HHIP: variants seen among roughly 807,000 people sequenced by gnomAD.
HHIP encodes the protein hedgehog interacting protein.
A neutral mutation model predicts 74.0 loss-of-function variants in HHIP; 12 were observed. The ratio of observed to expected loss-of-function variants is 0.16; its 90% CI spans 0.10 to 0.26. HHIP has a LOEUF of 0.26. Among genes scored for constraint, HHIP ranks in the 10% least tolerant of loss-of-function variants. The pLI is 1.00. For synonymous variants in HHIP, 309 were observed against 311.6 expected, an observed-to-expected ratio of 0.99 and a Z score of 0.09; for missense variants, 788 against 845.0, an observed-to-expected ratio of 0.93 and a Z score of 0.84.
rs556653439 is a variant in HHIP at position 144,653,698 on chromosome 4, AT to A, written c.472+908del. 1.1e-4 allele frequency among the ~76,000 whole-genome samples: 17 copies of A among 152,214 alleles called. No individual in the cohort carries two copies. The South Asian group carries it at 3.5e-3, about 32-fold the overall frequency. The stretch of plus-strand genomic sequence containing the variant: ...AAGAACCGTAGAATGCACCAAGAGA[AT>A]TTTTTTAAGTGCTATGTACATTTTA... On this transcript the variant is annotated intron_variant, in intron 2 of 12. Coordinates refer to ENST00000296575, the MANE Select transcript of HHIP (RefSeq NM_022475.3).
At chr4:144,672,030 T>C (rs1359473120) in intron 4 of HHIP, among the ~76,000 whole-genome samples, 1 of 152,008 alleles carries the variant, frequency 6.6e-6, no homozygotes, top group African/African-American at 2.4e-5. Context: ...CCTTAGGTCC[T>C]TTCTTGTTCT....
chr4:144,708,158 A>T lies in HHIP; in HGVS notation c.1158-10A>T. On this transcript the variant is annotated splice_polypyrimidine_tract_variant and intron_variant, in intron 6 of 12. Transcript: ENST00000296575. ...ATGTAAAACACATACTCTGTCCCCCAATTTCTCAGTGATTTCACAGGCTCA... is the reference window on the plus strand; with the variant it reads ...ATGTAAAACACATACTCTGTCCCCCTATTTCTCAGTGATTTCACAGGCTCA... 1 of 1,613,838 alleles carries T rather than the reference A, an allele frequency of 6.2e-7. No individual in the cohort carries two copies.
intron 7 of HHIP, among the ~76,000 whole-genome samples, chr4:144,708,818 C>G (rs1307914954): frequency 6.6e-6 from 1 of 152,200 alleles, no homozygotes; most frequent in Non-Finnish European, 1.5e-5. Flanking sequence ...GTTATCATAG[C>G]TTCACTTAAA....
At chr4:144,732,242 A>C (rs113065383) in intron 11 of HHIP, among the ~76,000 whole-genome samples, 2,456 of 152,316 alleles carry the variant, frequency 0.016, 77 homozygotes, top group African/African-American at 0.055. Context: ...ACAGAATGTT[A>C]TTTATCAACT....
chr4:144,679,724 A>G (rs558815567), intron 4 of HHIP, among the ~76,000 whole-genome samples: 64 of 152,222 alleles, frequency 4.2e-4, no homozygotes, highest in Admixed American at 9.8e-4. Flanking sequence ...TCTGTTCTGT[A>G]TGACATATTT....
At chr4:144,694,118 A>G (rs889656998) in intron 4 of HHIP, among the ~76,000 whole-genome samples, 5 of 151,976 alleles carry the variant, frequency 3.3e-5, no homozygotes, top group African/African-American at 1.2e-4. Flanking sequence ...GATTCAAAGA[A>G]TTTGATTCTG....
In HHIP at chr4:144,740,057, G is replaced by T. The variant is rs1165329418; in HGVS notation, c.*2100G>T. ...TCTAATTGTCCCTTATTCAACGTGG[G>T]TGACATTAACAAAATGTGAACTTCT... On this transcript the variant is annotated 3_prime_UTR_variant, in exon 13 of 13. Coordinates refer to ENST00000296575, the MANE Select transcript of HHIP (RefSeq NM_022475.3). 1 of 152,198 alleles carries T rather than the reference G, an allele frequency of 6.6e-6. No individual in the cohort carries two copies. The highest frequency in any genetic ancestry group is 3.4e-3 in the Middle Eastern group (1 of 294). The allele number at this position is 152,198 out of a possible 1,614,324, so 9.4% of individuals were successfully genotyped here. A position where few individuals can be genotyped will look rare whatever the true frequency, so the allele number is the denominator to read the frequency against.
At chr4:144,648,346 C>T (rs1353350068) in intron 1 of HHIP, 20 of 152,150 alleles carry the variant, frequency 1.3e-4, no homozygotes, top group Non-Finnish European at 7.3e-5. Flanking sequence ...CCAGCTCTGT[C>T]CAAATGTTCA....
At chr4:144,657,689 T>G (rs957199778) in intron 2 of HHIP, among the ~76,000 whole-genome samples, 3 of 152,192 alleles carry the variant, frequency 2.0e-5, no homozygotes, top group African/African-American at 7.2e-5. Context: ...GATAAAATAT[T>G]TAATGTGTAA....
At chr4:144,650,772 A>G (rs1306901142) in intron 1 of HHIP, 4 of 152,166 alleles carry the variant, frequency 2.6e-5, no homozygotes, top group Admixed American at 2.6e-4. Context: ...AATTTATTGA[A>G]TCCTACTTCT....
intron 4 of HHIP, among the ~76,000 whole-genome samples, chr4:144,692,172 GA>G (rs1470530196): frequency 6.6e-6 from 1 of 151,962 alleles, no homozygotes; most frequent in Non-Finnish European, 1.5e-5. Flanking sequence ...TTGTGAAGTA[GA>G]AGTTATCATG....
intron 4 of HHIP, among the ~76,000 whole-genome samples, chr4:144,665,738 A>G (rs771896307): frequency 3.9e-5 from 6 of 152,222 alleles, no homozygotes; most frequent in Non-Finnish European, 7.3e-5. Context: ...AGTTTAAGGC[A>G]GTTTAATCTG....
Position 144,712,055 on chromosome 4 carries a change from A to C in HHIP, c.1407A>C (p.Ile469=). ...CATCAGCCAGAATTCTACAGATAATAAAGGGGAAAGATTATGGTATGTAGA... is the reference window on the plus strand; with the variant it reads ...CATCAGCCAGAATTCTACAGATAATCAAGGGGAAAGATTATGGTATGTAGA... ...NRSSARILQI[I]KGKDYESEPS... is the part of the protein sequence containing the mutation. Residue 469 remains isoleucine, a synonymous_variant, in exon 8 of 13, where the codon ATA becomes ATC. Transcript: ENST00000296575. 1.9e-6 allele frequency: 3 copies of C among 1,612,918 alleles called. No individual in the cohort carries two copies. The highest frequency in any genetic ancestry group is 2.5e-6 in the Non-Finnish European group (3 of 1,179,110).
intron 8 of HHIP, among the ~76,000 whole-genome samples, chr4:144,713,762 CTA>C (rs1375261139): frequency 6.6e-6 from 1 of 152,064 alleles, no homozygotes; most frequent in Non-Finnish European, 1.5e-5. Context: ...CTTTTATGTA[CTA>C]TGTTTTTATT....
At chr4:144,680,354 T>C (rs1729300629) in intron 4 of HHIP, among the ~76,000 whole-genome samples, 1 of 152,210 alleles carries the variant, frequency 6.6e-6, no homozygotes, top group African/African-American at 2.4e-5. Flanking sequence ...CCTTGACCCC[T>C]TGTCATGCTG....
At chr4:144,696,634 A>G (rs1223771109) in intron 4 of HHIP, among the ~76,000 whole-genome samples, 1 of 151,890 alleles carries the variant, frequency 6.6e-6, no homozygotes, top group Non-Finnish European at 1.5e-5. Context: ...GTGTCTTCCA[A>G]TCACAATCTC....
chr4:144,743,820 G>A lies in HHIP; in HGVS notation c.*5863G>A, dbSNP rs375397346. 2 of 152,104 alleles carry A rather than the reference G, an allele frequency of 1.3e-5. No individual in the cohort carries two copies. Among genetic ancestry groups the A allele is most frequent in the Admixed American group, 6.5e-5 (1 of 15,270 alleles). 9.4% of individuals were successfully genotyped at this position (152,104 alleles called of 1,614,324 possible). On this transcript the variant is annotated 3_prime_UTR_variant, in exon 13 of 13. Transcript: ENST00000296575. Reference sequence around the variant, plus strand: ...TCTTTGCAGTTACAAACTAATTCTTGTACATTTTCCTTTTCACTAAAAAAA... The same window carrying A: ...TCTTTGCAGTTACAAACTAATTCTTATACATTTTCCTTTTCACTAAAAAAA...
chr4:144,716,882 A>AAAAAAAAAT, intron 10 of HHIP, among the ~76,000 whole-genome samples: 1 of 148,396 alleles, frequency 6.7e-6, no homozygotes, highest in African/African-American at 2.5e-5. Context: ...AAAAAAAAAA[A>AAAAAAAAAT]AAAAAAGTAA....
rs869028218 is a variant in HHIP at position 144,716,854 on chromosome 4, G to GAAAAAAAAAAAAAAAA, written c.1678+1443_1678+1458dup. On this transcript the variant is annotated intron_variant, in intron 10 of 12. Coordinates refer to ENST00000296575, the MANE Select transcript of HHIP (RefSeq NM_022475.3). ...ACATGAGCAAAACTCCGTCTCAAAA[G>GAAAAAAAAAAAAAAAA]AAAAAAAAAAAAAAAAAAAAAAAAA... is the stretch of plus-strand genomic sequence containing the variant. Among the ~76,000 whole-genome samples the GAAAAAAAAAAAAAAAA allele has an allele frequency of 9.1e-5, 5 of 54,654 alleles. 1 individual carries two copies. The highest frequency in any genetic ancestry group is 9.5e-4 in the South Asian group (1 of 1,048). The allele number at this position is 54,654 out of a possible 152,430, so 35.9% of individuals were successfully genotyped here. A position where few individuals can be genotyped will look rare whatever the true frequency, so the allele number is the denominator to read the frequency against.
Sources: gnomAD v4.1 joint callset for allele counts (sites outside exome capture counted in the v4.1 genomes callset) on GRCh38, gnomAD v4.1.1 for gene constraint, MANE v1.5 for transcripts, NCBI Gene and HGNC (gene_info 2026-07-23, HGNC 2026-07-21) for gene names.